SFMBT1: variants seen among roughly 807,000 people sequenced by gnomAD.
The protein encoded by SFMBT1 is scm-like with four MBT domains protein 1.
Under a neutral mutation model 108.7 loss-of-function variants are expected in SFMBT1, and 32 were observed. The observed-to-expected ratio is 0.29, with a 90% confidence interval of 0.22 to 0.40. The LOEUF is 0.40. Ranked by LOEUF, SFMBT1 falls within the 10% of genes least tolerant of loss-of-function variation. The pLI, the probability that SFMBT1 is intolerant of heterozygous loss-of-function variation, is 1.00. For missense variants in SFMBT1, 816 were observed against 1,059.6 expected (o/e 0.77, Z 3.19); for synonymous variants, 348 against 369.5 (o/e 0.94, Z 0.67).
chr3:52,918,912 G>A (rs1290089196), intron 12 of SFMBT1, among the ~76,000 whole-genome samples: 1 of 151,700 alleles, frequency 6.6e-6, no homozygotes, highest in Non-Finnish European at 1.5e-5. Context: ...GGACCAGGGG[G>A]TGGGGGGTCA....
chr3:52,957,919 A>G (rs914218655), intron 2 of SFMBT1, among the ~76,000 whole-genome samples: 1 of 152,214 alleles, frequency 6.6e-6, no homozygotes, highest in Non-Finnish European at 1.5e-5. Context: ...TCATGACAAA[A>G]ACGTCAAAAG....
At chr3:52,914,265 G>T (rs1702286740) in intron 14 of SFMBT1, among the ~76,000 whole-genome samples, 1 of 152,150 alleles carries the variant, frequency 6.6e-6, no homozygotes, top group Non-Finnish European at 1.5e-5. Flanking sequence ...ATAGTGGTAG[G>T]CATGTCAGCT....
chr3:52,959,505 G>A (rs934717631), intron 2 of SFMBT1, among the ~76,000 whole-genome samples: 1 of 152,064 alleles, frequency 6.6e-6, no homozygotes, highest in Admixed American at 6.6e-5. Flanking sequence ...TGACAATGAG[G>A]TTCCTGCCAT....
intron 1 of SFMBT1, among the ~76,000 whole-genome samples, chr3:53,020,569 C>A (rs370689846): frequency 1.3e-5 from 2 of 152,174 alleles, no homozygotes; most frequent in Non-Finnish European, 1.5e-5. Flanking sequence ...TATCTCCCTA[C>A]CTTCCTGCAA....
intron 4 of SFMBT1, among the ~76,000 whole-genome samples, chr3:52,942,858 C>G (rs1433698831): frequency 1.3e-5 from 2 of 152,212 alleles, no homozygotes; most frequent in Non-Finnish European, 2.9e-5. Flanking sequence ...TATCTTTCCC[C>G]ACCTTTATCT....
At chr3:52,912,488 C>G in intron 16 of SFMBT1, 50 bp downstream of exon 16, 1 of 1,533,712 alleles carries the variant, frequency 6.5e-7, no homozygotes, top group Non-Finnish European at 9.0e-7. Context: ...GATTCTGTGA[C>G]TTTTTAAAGA....
chr3:52,973,096 A>G (rs1704405254), intron 1 of SFMBT1, among the ~76,000 whole-genome samples: 1 of 152,140 alleles, frequency 6.6e-6, no homozygotes, highest in Non-Finnish European at 1.5e-5. Flanking sequence ...TCACCCCTGT[A>G]GTCCCAGTGC....
intron 1 of SFMBT1, among the ~76,000 whole-genome samples, chr3:53,011,349 A>C (rs1698936948): frequency 1.3e-5 from 2 of 152,180 alleles, no homozygotes; most frequent in African/African-American, 2.4e-5. Flanking sequence ...GCTCGTGTGT[A>C]AGGTGGCAGG....
At chr3:53,034,143 T>C (rs894416121) in intron 1 of SFMBT1, among the ~76,000 whole-genome samples, 1 of 150,988 alleles carries the variant, frequency 6.6e-6, no homozygotes, top group African/African-American at 2.4e-5. Flanking sequence ...TCTTTTTAAA[T>C]ACAAAGGACT....
chr3:52,964,301 A>G, intron 2 of SFMBT1, among the ~76,000 whole-genome samples: 1 of 152,358 alleles, frequency 6.6e-6, no homozygotes, highest in Middle Eastern at 3.4e-3. Context: ...ACTTGAAGCC[A>G]GGAGTTTGAA....
chr3:52,931,047 C>T lies in SFMBT1; in HGVS notation c.701-12G>A. The T allele has an allele frequency of 6.2e-7, 1 of 1,606,016 alleles. No individual in the cohort carries two copies. On this transcript the variant is annotated splice_polypyrimidine_tract_variant and intron_variant, in intron 6 of 20. Coordinates refer to ENST00000394752, the MANE Select transcript of SFMBT1 (RefSeq NM_016329.4). ...TAGATGTCTAATGGCTTTAATAAAA[C>T]ATGACAACATGCTTTAGATGATGAG...
chr3:52,935,256 T>C (rs1702972268), intron 4 of SFMBT1, among the ~76,000 whole-genome samples: 1 of 152,240 alleles, frequency 6.6e-6, no homozygotes, highest in South Asian at 2.1e-4. Context: ...CGTCAACAAC[T>C]GTCACCTCAT....
At chr3:52,968,845 G>A (rs895470407) in intron 2 of SFMBT1, among the ~76,000 whole-genome samples, 2 of 151,940 alleles carry the variant, frequency 1.3e-5, no homozygotes, top group African/African-American at 2.4e-5. Flanking sequence ...TGCCCACCTC[G>A]GCCTCCCAAA....
Position 53,022,016 on chromosome 3 carries a change from C to A in SFMBT1, c.-131+23800G>T, listed in dbSNP as rs543332272. Among the ~76,000 whole-genome samples, 19 of 152,252 alleles carry A rather than the reference C, an allele frequency of 1.2e-4. No homozygotes were observed. In the South Asian group the frequency reaches 3.5e-3, roughly 28 times the overall value. On this transcript the variant is annotated intron_variant, in intron 1 of 20. Coordinates refer to ENST00000394752, the MANE Select transcript of SFMBT1 (RefSeq NM_016329.4). ...AATAAAGTTTCTTCTCTCAAAGATT[C>A]CTCACCGCTCTCTAGAATTCGTCTA...
At chr3:52,965,221 C>T in intron 2 of SFMBT1, among the ~76,000 whole-genome samples, 1 of 151,314 alleles carries the variant, frequency 6.6e-6, no homozygotes, top group Admixed American at 6.6e-5. Flanking sequence ...AAAAAACCCT[C>T]TATGGATAAG....
intron 17 of SFMBT1, among the ~76,000 whole-genome samples, chr3:52,910,201 T>C (rs1279185237): frequency 6.6e-6 from 1 of 152,146 alleles, no homozygotes; most frequent in Non-Finnish European, 1.5e-5. Flanking sequence ...TCTAAATTTC[T>C]TCCCTTGTTT....
At chr3:52,950,915 A>T (rs1389055463) in intron 3 of SFMBT1, among the ~76,000 whole-genome samples, 1 of 151,814 alleles carries the variant, frequency 6.6e-6, no homozygotes, top group Non-Finnish European at 1.5e-5. Flanking sequence ...GGAGTTCAAA[A>T]CCAGCCTGGG....
intron 1 of SFMBT1, among the ~76,000 whole-genome samples, chr3:53,012,403 CT>C (rs796932837): frequency 2.3e-3 from 342 of 146,222 alleles, no homozygotes; most frequent in South Asian, 6.9e-3. Flanking sequence ...AGTGAGTGCT[CT>C]TTTTTTTTTT....
intron 1 of SFMBT1, among the ~76,000 whole-genome samples, chr3:53,008,934 C>T (rs576468953): frequency 1.3e-5 from 2 of 151,712 alleles, no homozygotes; most frequent in African/African-American, 4.8e-5. Flanking sequence ...CGTGCCCGGC[C>T]GGAAGATTTT....
Sources: gnomAD v4.1 joint callset for allele counts (sites outside exome capture counted in the v4.1 genomes callset) on GRCh38, gnomAD v4.1.1 for gene constraint, MANE v1.5 for transcripts, NCBI Gene and HGNC (gene_info 2026-07-23, HGNC 2026-07-21) for gene names.